The following TNS3 variants were observed in gnomAD, a reference collection of about 807,000 sequenced individuals.
TNS3 encodes tensin 3.
In TNS3, 45 loss-of-function variants were observed where a neutral mutation model predicts 140.9. The observed-to-expected ratio is 0.32, with a 90% confidence interval of 0.25 to 0.41. TNS3 has a LOEUF of 0.41. Ranked by LOEUF, TNS3 falls within the 10% of genes least tolerant of loss-of-function variation. The pLI is 1.00. For missense variants in TNS3, 1,716 were observed against 1,906.7 expected (o/e 0.90, Z 1.86); for synonymous variants, 815 against 788.4 (o/e 1.03, Z -0.56).
Position 47,389,128 on chromosome 7 carries a change from A to G in TNS3, c.1024+7672T>C, listed in dbSNP as rs1263060625. Among the ~76,000 whole-genome samples, 123 of 32,328 alleles carry G rather than the reference A, an allele frequency of 3.8e-3. 23 individuals carry two copies. Among genetic ancestry groups the G allele is most frequent in the South Asian group, 0.022 (11 of 506 alleles). 21.2% of individuals were successfully genotyped at this position (32,328 alleles called of 152,430 possible). A position where few individuals can be genotyped will look rare whatever the true frequency, so the allele number is the denominator to read the frequency against. The stretch of plus-strand genomic sequence containing the variant: ...CGGAAGCAGAAGAAGAAGAAGAAGA[A>G]GAAGAAGAAGAAGAAGAAGAAGAAG... On this transcript the variant is annotated intron_variant, in intron 16 of 30. Coordinates refer to ENST00000311160, the MANE Select transcript of TNS3 (RefSeq NM_022748.12).
intron 16 of TNS3, among the ~76,000 whole-genome samples, chr7:47,392,854 C>G (rs1792607780): frequency 6.6e-6 from 1 of 152,238 alleles, no homozygotes; most frequent in South Asian, 2.1e-4. Context: ...ACTACTCTTT[C>G]TGGGGAACAC....
chr7:47,387,856 G>T (rs1792162251), intron 16 of TNS3, among the ~76,000 whole-genome samples: 1 of 152,242 alleles, frequency 6.6e-6, no homozygotes, highest in South Asian at 2.1e-4. Context: ...GTTCATGTGA[G>T]GAAGAGACTC....
At chr7:47,328,522 G>A (rs1788156461) in intron 20 of TNS3, among the ~76,000 whole-genome samples, 1 of 146,358 alleles carries the variant, frequency 6.8e-6, no homozygotes, top group Admixed American at 6.9e-5. Flanking sequence ...CCATTCCCCT[G>A]GGACCCCACA....
At chr7:47,451,150 G>C (rs1302758685) in intron 4 of TNS3, among the ~76,000 whole-genome samples, 1 of 152,006 alleles carries the variant, frequency 6.6e-6, no homozygotes, top group Non-Finnish European at 1.5e-5. Flanking sequence ...CCCTTTTATG[G>C]ACGTCATGTT....
intron 4 of TNS3, among the ~76,000 whole-genome samples, chr7:47,449,524 G>A (rs1008804571): frequency 8.5e-5 from 13 of 152,074 alleles, no homozygotes; most frequent in Admixed American, 6.5e-5. Flanking sequence ...TGGCTCAGAT[G>A]GCAACTTCCA....
At chr7:47,483,988 G>A (rs184461097) in intron 3 of TNS3, among the ~76,000 whole-genome samples, 2 of 152,300 alleles carry the variant, frequency 1.3e-5, no homozygotes, top group East Asian at 1.9e-4. Flanking sequence ...AAAATGAATC[G>A]TTTTTAAGAA....
intron 30 of TNS3, 53 bp downstream of exon 30, chr7:47,280,111 T>G: frequency 6.2e-7 from 1 of 1,606,978 alleles, no homozygotes. Flanking sequence ...GAATTCAACT[T>G]TGGAGTACAA....
At chr7:47,378,748 G>A (rs1355560872) in intron 16 of TNS3, among the ~76,000 whole-genome samples, 1 of 152,188 alleles carries the variant, frequency 6.6e-6, no homozygotes, top group Non-Finnish European at 1.5e-5. Context: ...GTTTCATGGG[G>A]GGAGGGCTAA....
intron 11 of TNS3, 30 bp downstream of exon 11, chr7:47,415,064 C>T (rs1171879455): frequency 1.9e-6 from 3 of 1,551,086 alleles, no homozygotes; most frequent in South Asian, 1.1e-5. Context: ...GCCAGCCAAT[C>T]GCAGGTGCCA....
intron 4 of TNS3, among the ~76,000 whole-genome samples, chr7:47,467,874 C>A (rs1796789395): frequency 6.6e-6 from 1 of 152,156 alleles, no homozygotes; most frequent in South Asian, 2.1e-4. Context: ...GGCTGTCCCC[C>A]AAGTGGATGT....
chr7:47,367,338 A>T (rs1790763555), intron 17 of TNS3, among the ~76,000 whole-genome samples: 2 of 152,164 alleles, frequency 1.3e-5, no homozygotes, highest in South Asian at 4.1e-4. Context: ...GACCACCTCC[A>T]GCTCTCTGGT....
In TNS3 at chr7:47,302,981, G is replaced by A; in HGVS notation, c.3426C>T (p.Ser1142=). Residue 1142 remains serine, a synonymous_variant, in exon 22 of 31, where the codon TCC becomes TCT. Coordinates refer to ENST00000311160, the MANE Select transcript of TNS3 (RefSeq NM_022748.12). ...GAGGTGAGGCCGCTTCTGAAGCCTT[G>A]GAAAAGTCGGGAAGGACATTTGGGA... ...IPFPNVLPDF[S]KASEAASPLP... 2.5e-6 allele frequency: 4 copies of A among 1,611,570 alleles called. No homozygotes were observed. Among genetic ancestry groups the A allele is most frequent in the Non-Finnish European group, 3.4e-6 (4 of 1,178,134 alleles).
intron 16 of TNS3, among the ~76,000 whole-genome samples, chr7:47,370,364 T>C (rs1019392180): frequency 2.0e-5 from 3 of 152,198 alleles, no homozygotes; most frequent in Non-Finnish European, 2.9e-5. Context: ...AGGAATTGAT[T>C]TGGGTCTTCC....
At chr7:47,451,850 T>C (rs1305779067) in intron 4 of TNS3, among the ~76,000 whole-genome samples, 1 of 152,242 alleles carries the variant, frequency 6.6e-6, no homozygotes, top group Non-Finnish European at 1.5e-5. Flanking sequence ...TATTTGTTCA[T>C]CCTTCATTGA....
Position 47,344,781 on chromosome 7 carries a change from G to A in TNS3, c.2624C>T (p.Pro875Leu). 1 of 1,613,098 alleles carries A rather than the reference G, an allele frequency of 6.2e-7. No homozygotes were observed. The highest frequency in any genetic ancestry group is 8.5e-7 in the Non-Finnish European group (1 of 1,179,980). The change falls in exon 20 of 31, where the codon CCA becomes CTA. Residue 875 changes from proline to leucine, a missense_variant. Coordinates refer to ENST00000311160, the MANE Select transcript of TNS3 (RefSeq NM_022748.12). ...FSPPEPPLSS[P>L]ASQHKGGREP... is the part of the protein sequence containing the mutation. ...ACGTCCTCCTTTGTGCTGACTGGCT[G>A]GGCTGCTCAGCGGGGGCTCAGGTGG...
intron 25 of TNS3, 29 bp downstream of exon 25, chr7:47,293,704 C>T (rs1562766236): frequency 6.2e-7 from 1 of 1,603,946 alleles, no homozygotes; most frequent in Non-Finnish European, 8.5e-7. Context: ...GAGTTCAGAA[C>T]ATTGACAGCA....
chr7:47,313,594 T>C (rs1371558016), intron 20 of TNS3, among the ~76,000 whole-genome samples: 1 of 152,250 alleles, frequency 6.6e-6, no homozygotes, highest in Non-Finnish European at 1.5e-5. Context: ...TACCTGTTTC[T>C]ATGACTGACA....
At chr7:47,380,252 G>A (rs1033296194) in intron 16 of TNS3, among the ~76,000 whole-genome samples, 1 of 152,260 alleles carries the variant, frequency 6.6e-6, no homozygotes, top group South Asian at 2.1e-4. Context: ...CCAGCACGCC[G>A]GTGCAGGCTC....
chr7:47,438,489 A>C (rs1255737734), intron 6 of TNS3, among the ~76,000 whole-genome samples: 2 of 152,208 alleles, frequency 1.3e-5, no homozygotes, highest in Admixed American at 6.5e-5. Context: ...GGAAGCCCTG[A>C]GGAGGAGAGG....
Sources: allele counts gnomAD v4.1 joint callset (sites outside exome capture counted in the v4.1 genomes callset), GRCh38; gene constraint gnomAD v4.1.1; transcripts MANE v1.5; gene names NCBI Gene and HGNC (gene_info 2026-07-23, HGNC 2026-07-21).